The following ARHGAP39 variants were observed in gnomAD, a reference collection of about 807,000 sequenced individuals.
ARHGAP39 encodes the protein Rho GTPase activating protein 39, also known as rho GTPase-activating protein 39.
In ARHGAP39, 44 loss-of-function variants were observed where a neutral mutation model predicts 106.9. The ratio of observed to expected loss-of-function variants is 0.41; its 90% CI spans 0.32 to 0.53. ARHGAP39 has a LOEUF of 0.53. Among genes scored for constraint, ARHGAP39 ranks in the 20% least tolerant of loss-of-function variants. ARHGAP39 has a pLI of 0.21. For synonymous variants in ARHGAP39, 768 were observed against 693.2 expected, an observed-to-expected ratio of 1.11 and a Z score of -1.69; for missense variants, 1,496 against 1,577.3, an observed-to-expected ratio of 0.95 and a Z score of 0.87.
At chr8:144,589,686 C>T (rs974203899) in intron 2 of ARHGAP39, among the ~76,000 whole-genome samples, 1 of 152,238 alleles carries the variant, frequency 6.6e-6, no homozygotes, top group Non-Finnish European at 1.5e-5. Context: ...ACGCCGCCAT[C>T]GTACTCAGGG....
intron 1 of ARHGAP39, among the ~76,000 whole-genome samples, chr8:144,639,817 G>A (rs1458190019): frequency 2.6e-5 from 4 of 152,122 alleles, no homozygotes; most frequent in East Asian, 1.9e-4. Flanking sequence ...GCTTCACCTC[G>A]GCTGTCCAGT....
In ARHGAP39 at chr8:144,600,207, G is replaced by A. The variant is rs1021257843; in HGVS notation, c.80+5328C>T. On this transcript the variant is annotated intron_variant, in intron 2 of 11. Coordinates refer to ENST00000377307, the MANE Select transcript of ARHGAP39 (RefSeq NM_025251.3). ...CTTGTGTACCTACCTGCGTGTGCGT[G>A]TGTGTGGGGGGCATGTGTGCAAGCT... Among the ~76,000 whole-genome samples, 27 of 149,972 alleles carry A rather than the reference G, an allele frequency of 1.8e-4. 1 individual carries two copies. Among genetic ancestry groups the A allele is most frequent in the Admixed American group, 1.7e-3 (25 of 15,090 alleles).
chr8:144,582,554 T>C (rs1302769236), intron 2 of ARHGAP39, among the ~76,000 whole-genome samples: 1 of 152,224 alleles, frequency 6.6e-6, no homozygotes, highest in African/African-American at 2.4e-5. Context: ...CCCTGGCCAC[T>C]GGGCACTGTT....
chr8:144,655,564 G>A (rs1821673684), intron 1 of ARHGAP39, among the ~76,000 whole-genome samples: 1 of 152,026 alleles, frequency 6.6e-6, no homozygotes, highest in Non-Finnish European at 1.5e-5. Context: ...CAGCAGAGAG[G>A]AGCCACCCAC....
intron 2 of ARHGAP39, among the ~76,000 whole-genome samples, chr8:144,602,809 G>GGT (rs1820090891): frequency 8.8e-6 from 1 of 113,406 alleles, no homozygotes; most frequent in Admixed American, 9.7e-5. Flanking sequence ...TGTGCATGGA[G>GGT]GCGTGTGTGC....
intron 7 of ARHGAP39, among the ~76,000 whole-genome samples, chr8:144,535,678 A>G (rs1816926743): frequency 6.6e-6 from 1 of 152,174 alleles, no homozygotes; most frequent in Admixed American, 6.5e-5. Context: ...ACAGGCCCTG[A>G]TCTCCTGTCC....
At chr8:144,587,644 G>C (rs1465871580) in intron 2 of ARHGAP39, among the ~76,000 whole-genome samples, 1 of 151,768 alleles carries the variant, frequency 6.6e-6, no homozygotes, top group Non-Finnish European at 1.5e-5. Flanking sequence ...AAGAGTGAGG[G>C]GCAGAGAGAC....
chr8:144,659,477 T>C (rs901360587), intron 1 of ARHGAP39, among the ~76,000 whole-genome samples: 2 of 152,210 alleles, frequency 1.3e-5, no homozygotes, highest in Non-Finnish European at 2.9e-5. Flanking sequence ...GTCTTAACCA[T>C]GACAAAACGT....
chr8:144,610,573 G>A (rs1343914449), intron 1 of ARHGAP39, among the ~76,000 whole-genome samples: 7 of 152,020 alleles, frequency 4.6e-5, no homozygotes, highest in African/African-American at 1.2e-4. Flanking sequence ...TTAGCCAGGC[G>A]TGGTGGCGGG....
At chr8:144,549,242 C>T (rs1340008898) in intron 4 of ARHGAP39, among the ~76,000 whole-genome samples, 4 of 152,278 alleles carry the variant, frequency 2.6e-5, no homozygotes, top group African/African-American at 4.8e-5. Flanking sequence ...AAGGTGGGCA[C>T]TGGTCCTGTG....
chr8:144,665,196 G>C lies in ARHGAP39; in HGVS notation c.-82+20490C>G, dbSNP rs575829932. Among the ~76,000 whole-genome samples, 308 of 152,304 alleles carry C rather than the reference G, an allele frequency of 2.0e-3. 6 individuals carry two copies. Among genetic ancestry groups the C allele is most frequent in the Non-Finnish European group, 3.8e-4 (26 of 68,014 alleles). On this transcript the variant is annotated intron_variant, in intron 1 of 11. Coordinates refer to ENST00000377307, the MANE Select transcript of ARHGAP39 (RefSeq NM_025251.3). ...TAGAGATCTGTGGAACTTTGAACTT[G>C]AGAGAGACGACTTAGGGTATCTGGC...
upstream of ARHGAP39, among the ~76,000 whole-genome samples, chr8:144,689,310 C>T (rs1003864541): frequency 1.3e-5 from 2 of 151,930 alleles, no homozygotes; most frequent in Non-Finnish European, 1.5e-5. Flanking sequence ...GCAGCTCTCG[C>T]GAGTTACAGC....
At chr8:144,567,502 C>G (rs941860306) in intron 3 of ARHGAP39, among the ~76,000 whole-genome samples, 6 of 152,064 alleles carry the variant, frequency 3.9e-5, no homozygotes, top group African/African-American at 1.4e-4. Context: ...CTCCCTTTCC[C>G]GGGGGGAGTT....
chr8:144,597,615 G>A (rs1301387220), intron 2 of ARHGAP39, among the ~76,000 whole-genome samples: 2 of 152,222 alleles, frequency 1.3e-5, no homozygotes, highest in Non-Finnish European at 2.9e-5. Flanking sequence ...GGTCAAGACT[G>A]TAATCAATGG....
chr8:144,581,338 C>T (rs1206648789), intron 2 of ARHGAP39, 61 bp from the exon 3 acceptor site: 3 of 1,454,382 alleles, frequency 2.1e-6, no homozygotes, highest in South Asian at 1.4e-5. Flanking sequence ...CGCCTCCCAC[C>T]CCTGCAGACC....
chr8:144,643,895 G>A (rs186662457), intron 1 of ARHGAP39, among the ~76,000 whole-genome samples: 1 of 152,086 alleles, frequency 6.6e-6, no homozygotes, highest in East Asian at 1.9e-4. Context: ...AGGATGGCTA[G>A]GGAAAAAAAG....
intron 1 of ARHGAP39, among the ~76,000 whole-genome samples, chr8:144,662,987 C>T (rs529695595): frequency 2.0e-5 from 3 of 150,020 alleles, no homozygotes; most frequent in Admixed American, 6.6e-5. Context: ...CCATTATTCA[C>T]CTTGGACCAG....
rs775712068 is a variant in ARHGAP39, at chr8:144,585,693, C to T, written c.81-4416G>A. Among the ~76,000 whole-genome samples the T allele has an allele frequency of 5.9e-5, 9 of 152,198 alleles. No individual in the cohort carries two copies. Among genetic ancestry groups the T allele is most frequent in the Non-Finnish European group, 1.2e-4 (8 of 68,030 alleles). Reference sequence around the variant, plus strand: ...CCAGGACCTCCCGCCCATGGTGCCACGCGCTGCAGCCTGGGCCTCCCGAGG... The same window carrying T: ...CCAGGACCTCCCGCCCATGGTGCCATGCGCTGCAGCCTGGGCCTCCCGAGG... On this transcript the variant is annotated intron_variant, in intron 2 of 11. Transcript: ENST00000377307. The surrounding 1 kb of genome is among the most constrained non-coding windows in gnomAD (Gnocchi z 4.6).
chr8:144,686,825 C>T (rs541754907), upstream of ARHGAP39, among the ~76,000 whole-genome samples: 1 of 152,156 alleles, frequency 6.6e-6, no homozygotes, highest in Admixed American at 6.5e-5. Flanking sequence ...TCCTCCATGA[C>T]TGCTGAAGAA....
Sources: allele counts gnomAD v4.1 joint callset (sites outside exome capture counted in the v4.1 genomes callset), GRCh38; gene constraint gnomAD v4.1.1; non-coding constraint Gnocchi (gnomAD v3.1); transcripts MANE v1.5; gene names NCBI Gene and HGNC (gene_info 2026-07-23, HGNC 2026-07-21).